Variants in KRT77 observed in about 807,000 individuals in gnomAD.
KRT77 encodes keratin, type II cytoskeletal 1b.
A neutral mutation model predicts 51.5 loss-of-function variants in KRT77; 44 were observed. The ratio of observed to expected loss-of-function variants is 0.85; its 90% confidence interval spans 0.67 to 1.10. The LOEUF is 1.10. Ranked by LOEUF, KRT77 falls within the 50% of genes least tolerant of loss-of-function variation. The pLI is 0.00. For missense variants in KRT77, 763 were observed against 743.9 expected (o/e 1.03, Z -0.30); for synonymous variants, 293 against 302.0 (o/e 0.97, Z 0.31).
At chr12:52,697,920 AC>A in intron 1 of KRT77, 24 bp from the exon 2 acceptor site, 1 of 1,605,820 alleles carries the variant, frequency 6.2e-7, no homozygotes, top group South Asian at 1.1e-5. Flanking sequence ...ACCCCAGTCC[AC>A]CCCAGGCCAT....
chr12:52,692,569 T>C lies in KRT77; in HGVS notation c.1279A>G (p.Lys427Glu), dbSNP rs776461470. The change falls in exon 7 of 9, where the codon AAG becomes GAG. Residue 427 changes from lysine (K) to glutamate (E), a missense_variant. Lys to Glu is a moderately conservative substitution (Grantham distance 56). Coordinates refer to ENST00000341809, the MANE Select transcript of KRT77 (RefSeq NM_175078.3). ...AGGGCCTCCTCCAGGTCCTGCAGCT[T>C]CTGCCACGCATCCTGGAGGGCCTGC... ...GEQALQDAWQ[K>E]LQDLEEALQQ... 6.3e-6 allele frequency: 9 copies of C among 1,434,672 alleles called. No individual in the cohort carries two copies. The South Asian group carries it at 1.1e-4, about 17-fold the overall frequency. The allele number at this position is 1,434,672 out of a possible 1,614,324, so 88.9% of individuals were successfully genotyped here. A position where few individuals can be genotyped will look rare whatever the true frequency, so the allele number is the denominator to read the frequency against.
chr12:52,697,106 G>A (rs897832758), intron 2 of KRT77, among the ~76,000 whole-genome samples: 3 of 152,194 alleles, frequency 2.0e-5, no homozygotes, highest in African/African-American at 7.2e-5. Context: ...ACAATACTAA[G>A]AACTTATTAA....
chr12:52,696,995 A>C (rs1941802535), intron 2 of KRT77, among the ~76,000 whole-genome samples: 1 of 152,192 alleles, frequency 6.6e-6, no homozygotes, highest in Non-Finnish European at 1.5e-5. Context: ...TGCTGCCTGC[A>C]CGGCTCAGGA....
intron 8 of KRT77, among the ~76,000 whole-genome samples, chr12:52,691,687 G>A (rs1941711721): frequency 6.6e-6 from 1 of 152,198 alleles, no homozygotes; most frequent in Admixed American, 6.5e-5. Flanking sequence ...AGTTCTAGCC[G>A]CTGCTGATTC....
chr12:52,692,531 C>T lies in KRT77; in HGVS notation c.1317G>A (p.Lys439=), dbSNP rs1941728406. 1.9e-6 allele frequency: 3 copies of T among 1,614,042 alleles called. No homozygotes were observed. Among genetic ancestry groups the T allele is most frequent in the Non-Finnish European group, 2.5e-6 (3 of 1,179,968 alleles). The change falls in exon 7 of 9, where the codon AAG becomes AAA. Residue 439 remains lysine, a synonymous_variant. Transcript: ENST00000341809. The part of the protein sequence containing the change: ...QDLEEALQQS[K]EELARLLRDY... ...CACGCAGCAGCCGGGCCAGCTCCTCCTTGGACTGCTGCAGGGCCTCCTCCA... is the reference window on the plus strand; with the variant it reads ...CACGCAGCAGCCGGGCCAGCTCCTCTTTGGACTGCTGCAGGGCCTCCTCCA...
At position 52,690,173 on chromosome 12, in the gene KRT77, A is replaced by C. The variant is rs931879222; in HGVS notation, c.*992T>G. ...TCAGAGTGGTTATGATGCAGAGCTTAGGAAGGGTCAGGCTTCAAAAGAATG... is the reference window on the plus strand; with the variant it reads ...TCAGAGTGGTTATGATGCAGAGCTTCGGAAGGGTCAGGCTTCAAAAGAATG... On this transcript the variant is annotated 3_prime_UTR_variant, in exon 9 of 9. Transcript: ENST00000341809. 4 of 152,328 alleles carry C rather than the reference A, an allele frequency of 2.6e-5. No homozygotes were observed. The highest frequency in any genetic ancestry group is 9.6e-5 in the African/African-American group (4 of 41,468). 9.4% of individuals were successfully genotyped at this position (152,328 alleles called of 1,614,324 possible).
At position 52,703,107 on chromosome 12, in the gene KRT77, C is replaced by A; in HGVS notation, c.328G>T (p.Gly110Cys). 2 of 1,612,792 alleles carry A rather than the reference C, an allele frequency of 1.2e-6. No individual in the cohort carries two copies. The highest frequency in any genetic ancestry group is 1.7e-6 in the Non-Finnish European group (2 of 1,179,102). ...CCAAATCCAGCACCCCCAAAACCAC[C>A]TCCTCCAAAGCCACCAGCCCCGGTG... ...GSTGAGGFGG[G>C]GFGGAGFGTS... is the part of the protein sequence containing the mutation. The change falls in exon 1 of 9, where the codon GGT (glycine) becomes TGT (cysteine). Residue 110 changes from glycine to cysteine, a missense_variant. By Grantham distance (159) the Gly-to-Cys change is radical (BLOSUM62 -3). Transcript: ENST00000341809.
In KRT77 at chr12:52,696,698, A is replaced by G. The variant is rs965986326; in HGVS notation, c.759-268T>C. On this transcript the variant is annotated intron_variant, in intron 2 of 8. Transcript: ENST00000341809. ...CACAGAGAAGGTCCCTGGAATGTCTATTTTTATTTTGATGTTTTACCTTTG... is the reference window on the plus strand; with the variant it reads ...CACAGAGAAGGTCCCTGGAATGTCTGTTTTTATTTTGATGTTTTACCTTTG... 13 of 407,106 alleles carry G rather than the reference A, an allele frequency of 3.2e-5. No individual in the cohort carries two copies. The Admixed American group carries it at 4.9e-4, about 15-fold the overall frequency. The allele number at this position is 407,106 out of a possible 1,614,324, so 25.2% of individuals were successfully genotyped here. A position where few individuals can be genotyped will look rare whatever the true frequency, so the allele number is the denominator to read the frequency against.
intron 1 of KRT77, among the ~76,000 whole-genome samples, chr12:52,702,566 G>A (rs1043191102): frequency 6.8e-6 from 1 of 148,106 alleles, no homozygotes; most frequent in Admixed American, 6.8e-5. Context: ...GTGTGTGTGT[G>A]TATAAATGGA....
chr12:52,693,006 A>C, intron 5 of KRT77, 126 bp from the exon 6 acceptor site: 2 of 1,063,916 alleles, frequency 1.9e-6, no homozygotes, highest in African/African-American at 3.1e-5. Flanking sequence ...TCACCCCTAC[A>C]TGCATACTCA....
intron 1 of KRT77, among the ~76,000 whole-genome samples, chr12:52,700,620 G>C (rs1437945954): frequency 6.6e-6 from 1 of 152,170 alleles, no homozygotes; most frequent in Non-Finnish European, 1.5e-5. Flanking sequence ...TTGGAAGCCT[G>C]GGGGCTGTTT....
chr12:52,696,040 G>A (rs1941790869), intron 3 of KRT77, among the ~76,000 whole-genome samples, 173 bp from the exon 4 acceptor site: 1 of 152,182 alleles, frequency 6.6e-6, no homozygotes, highest in African/African-American at 2.4e-5. Flanking sequence ...TGGCCAGAAG[G>A]AGATGTGACA....
rs148097046 is a variant in KRT77, at chr12:52,691,886, C to G, written c.1462+52G>C. On this transcript the variant is annotated intron_variant, in intron 8 of 8. Coordinates refer to ENST00000341809, the MANE Select transcript of KRT77 (RefSeq NM_175078.3). ...TCTCTGCTGGCCACCTCCTGGCCCTCCCTCCACCCAGCACCACCAGCCTCT... is the reference window on the plus strand; with the variant it reads ...TCTCTGCTGGCCACCTCCTGGCCCTGCCTCCACCCAGCACCACCAGCCTCT... The G allele has an allele frequency of 6.5e-4, 1,039 of 1,610,246 alleles. 7 individuals carry two copies. In the African/African-American group the frequency reaches 0.011, roughly 17 times the overall value.
Position 52,692,438 on chromosome 12 carries a change from C to T in KRT77, c.1410G>A (p.Leu470=), listed in dbSNP as rs1249700788. 1.2e-6 allele frequency: 2 copies of T among 1,613,894 alleles called. No homozygotes were observed. Among genetic ancestry groups the T allele is most frequent in the Non-Finnish European group, 1.7e-6 (2 of 1,180,000 alleles). Residue 470 remains leucine, a synonymous_variant, in exon 7 of 9, where the codon CTG becomes CTA. Transcript: ENST00000341809. ...AGACCCACCTGCTCTCCTCGCCCTC[C>T]AGCAGCTGGCGGTAGGTGGCGATCT... ...DVEIATYRQL[L]EGEESRMSGE...
chr12:52,696,346 C>T (rs1160446871), intron 3 of KRT77, 24 bp downstream of exon 3: 2 of 1,612,758 alleles, frequency 1.2e-6, no homozygotes, highest in African/African-American at 2.7e-5. Context: ...CCACAGCCAC[C>T]CTCAGGACTC....
chr12:52,702,001 C>T (rs938539435), intron 1 of KRT77, among the ~76,000 whole-genome samples: 1 of 152,218 alleles, frequency 6.6e-6, no homozygotes, highest in African/African-American at 2.4e-5. Flanking sequence ...AAACGCGTCA[C>T]GCTTTCATGC....
At chr12:52,693,962 A>G (rs1005573331) in intron 5 of KRT77, among the ~76,000 whole-genome samples, 1 of 151,946 alleles carries the variant, frequency 6.6e-6, no homozygotes, top group African/African-American at 2.4e-5. Flanking sequence ...ACTTGGACCC[A>G]GGAGGCGGAG....
chr12:52,699,745 T>C (rs1941857277), intron 1 of KRT77, among the ~76,000 whole-genome samples: 1 of 152,236 alleles, frequency 6.6e-6, no homozygotes, highest in Non-Finnish European at 1.5e-5. Context: ...TTGCAGCCCC[T>C]TGTTCCTTGC....
Position 52,692,658 on chromosome 12 carries a change from T to C in KRT77, c.1207-17A>G, listed in dbSNP as rs773899451. 2 of 1,596,016 alleles carry C rather than the reference T, an allele frequency of 1.3e-6. No homozygotes were observed. The highest frequency in any genetic ancestry group is 1.7e-6 in the Non-Finnish European group (2 of 1,164,714). On this transcript the variant is annotated splice_polypyrimidine_tract_variant and intron_variant, in intron 6 of 8. Transcript: ENST00000341809. The stretch of plus-strand genomic sequence containing the variant: ...CTGTTCAATCTGCTCCAGAGACAGT[T>C]GGAGACCATTTAATGGTTAAGTTTC...
Sources: gnomAD v4.1 joint callset for allele counts (sites outside exome capture counted in the v4.1 genomes callset) on GRCh38, gnomAD v4.1.1 for gene constraint, MANE v1.5 for transcripts, NCBI Gene and HGNC (gene_info 2026-07-23, HGNC 2026-07-21) for gene names.